RYR3: variants seen among roughly 807,000 people sequenced by gnomAD.
RYR3 encodes the protein brain ryanodine receptor-calcium release channel.
Under a neutral mutation model 584.3 loss-of-function variants are expected in RYR3, and 207 were observed. That is an observed-to-expected ratio of 0.35 (90% CI 0.32 to 0.40). The LOEUF (loss-of-function observed/expected upper bound fraction) is 0.40, where lower values mean the gene tolerates loss of function less well. Ranked by LOEUF, RYR3 falls within the 10% of genes least tolerant of loss-of-function variation. RYR3 has a pLI of 1.00. For synonymous variants in RYR3, 2,416 were observed against 2,248.5 expected (o/e 1.07, Z -2.11); for missense variants, 5,616 against 6,089.2 (o/e 0.92, Z 2.59).
chr15:33,658,892 G>C lies in RYR3; in HGVS notation c.4309-828G>C, dbSNP rs75633823. On this transcript the variant is annotated intron_variant, in intron 32 of 103. Coordinates refer to ENST00000634891, the MANE Select transcript of RYR3 (RefSeq NM_001036.6). ...AACTGGAATGCTGAAGAGTGCAAAG[G>C]GGGTGGAGAGGATGGAGAGGAGTCC... 1.9e-4 allele frequency among the ~76,000 whole-genome samples: 29 copies of C among 152,324 alleles called. No individual in the cohort carries two copies. The East Asian group carries it at 3.1e-3, about 16-fold the overall frequency.
chr15:33,850,779 A>G (rs1445695639), intron 94 of RYR3: 3 of 152,190 alleles, frequency 2.0e-5, no homozygotes, highest in African/African-American at 7.2e-5. Flanking sequence ...AGAGCTTAAA[A>G]ATCCCCTGTA....
Position 33,865,158 on chromosome 15 carries a change from G to GT in RYR3, c.14545_14546insT (p.Glu4849ValfsTer11). On this transcript the variant is annotated frameshift_variant, in exon 104 of 104. Coordinates refer to ENST00000634891, the MANE Select transcript of RYR3 (RefSeq NM_001036.6). LOFTEE classifies it high-confidence loss of function. ...ATCTTATGTCTGGAAGATGTACCAAGAAAGGTGTTGGGATTTCTTCCCAGC... is the reference window on the plus strand; with the variant it reads ...ATCTTATGTCTGGAAGATGTACCAAGTAAAGGTGTTGGGATTTCTTCCCAGC... The GT allele has an allele frequency of 6.2e-7, 1 of 1,613,718 alleles. No homozygotes were observed. Among genetic ancestry groups the GT allele is most frequent in the Non-Finnish European group, 8.5e-7 (1 of 1,179,746 alleles).
At chr15:33,397,296 A>C (rs929462492) in intron 1 of RYR3, among the ~76,000 whole-genome samples, 5 of 152,230 alleles carry the variant, frequency 3.3e-5, no homozygotes, top group African/African-American at 9.6e-5. Context: ...TTACAAAAGG[A>C]GCTATGAATA....
chr15:33,817,885 C>T (rs1293344662), intron 75 of RYR3, among the ~76,000 whole-genome samples: 1 of 152,202 alleles, frequency 6.6e-6, no homozygotes, highest in Non-Finnish European at 1.5e-5. Context: ...TACGGTCCAC[C>T]CTGCTGGCTC....
intron 86 of RYR3, among the ~76,000 whole-genome samples, chr15:33,834,322 ACAGTGAG>A: frequency 6.9e-6 from 1 of 144,798 alleles, no homozygotes; most frequent in African/African-American, 2.5e-5. Flanking sequence ...ACACACACAC[ACAGTGAG>A]ATTAACATGG....
chr15:33,648,399 A>G (rs2062232573), intron 30 of RYR3, among the ~76,000 whole-genome samples: 1 of 152,176 alleles, frequency 6.6e-6, no homozygotes, highest in South Asian at 2.1e-4. Flanking sequence ...TCATAAGGAA[A>G]ATGATGAGCT....
intron 1 of RYR3, among the ~76,000 whole-genome samples, chr15:33,365,609 C>T (rs935524135): frequency 6.6e-6 from 1 of 152,194 alleles, no homozygotes; most frequent in Non-Finnish European, 1.5e-5. Flanking sequence ...GTCATTTAAT[C>T]TACTATACAG....
At chr15:33,761,709 A>G (rs989230214) in intron 60 of RYR3, among the ~76,000 whole-genome samples, 5 of 152,236 alleles carry the variant, frequency 3.3e-5, no homozygotes, top group Admixed American at 3.3e-4. Context: ...TTCTGAAACT[A>G]TTCCAAACAA....
intron 5 of RYR3, among the ~76,000 whole-genome samples, chr15:33,538,927 C>G (rs773812330): frequency 3.3e-4 from 50 of 151,950 alleles, no homozygotes; most frequent in Non-Finnish European, 6.6e-4. Flanking sequence ...TCCCTTAGGA[C>G]AGGGGGAGAC....
intron 73 of RYR3, 38 bp from the exon 74 acceptor site, chr15:33,813,429 C>A (rs1220112816): frequency 3.9e-6 from 6 of 1,551,598 alleles, no homozygotes; most frequent in Non-Finnish European, 5.3e-6. Flanking sequence ...ACCAGAAGAT[C>A]AGCCTAATGT....
chr15:33,489,600 A>G (rs557465054), intron 2 of RYR3, among the ~76,000 whole-genome samples: 6 of 65,058 alleles, frequency 9.2e-5, no homozygotes, highest in African/African-American at 1.8e-4. Flanking sequence ...TCTTTATCCA[A>G]TCTGCCATGG....
intron 38 of RYR3, among the ~76,000 whole-genome samples, chr15:33,686,463 C>G (rs1161867036): frequency 1.3e-5 from 2 of 152,108 alleles, no homozygotes; most frequent in Non-Finnish European, 2.9e-5. Context: ...AAGTCCAGGA[C>G]CAGACGAATT....
intron 67 of RYR3, among the ~76,000 whole-genome samples, chr15:33,796,020 C>T (rs988878814): frequency 6.6e-6 from 1 of 152,158 alleles, no homozygotes; most frequent in Non-Finnish European, 1.5e-5. Context: ...CTAGGGGAGG[C>T]TTTGGAACAA....
chr15:33,314,593 A>G (rs1246353516), intron 1 of RYR3, among the ~76,000 whole-genome samples: 5 of 152,196 alleles, frequency 3.3e-5, no homozygotes, highest in Non-Finnish European at 7.3e-5. Context: ...CTCCTTGCCA[A>G]CTGCCTTTCC....
intron 43 of RYR3, 65 bp downstream of exon 43, chr15:33,707,119 A>T: frequency 6.4e-7 from 1 of 1,564,774 alleles, no homozygotes; most frequent in South Asian, 1.1e-5. Context: ...ACCTACAAGG[A>T]AAAGGATATC....
At chr15:33,620,158 G>A (rs1318689068) in intron 19 of RYR3, among the ~76,000 whole-genome samples, 1 of 152,106 alleles carries the variant, frequency 6.6e-6, no homozygotes, top group Non-Finnish European at 1.5e-5. Flanking sequence ...CTTCTAGGGA[G>A]CACAGTCCTT....
At chr15:33,774,730 C>T (rs1403631533) in intron 64 of RYR3, among the ~76,000 whole-genome samples, 2 of 152,148 alleles carry the variant, frequency 1.3e-5, no homozygotes, top group African/African-American at 4.8e-5. Flanking sequence ...AGTTGTCAGG[C>T]TTTCCTTACT....
intron 98 of RYR3, among the ~76,000 whole-genome samples, chr15:33,857,256 GCAC>G (rs375469840): frequency 0.98 from 149,247 of 152,000 alleles, 73,333 homozygotes; most frequent in Middle Eastern, 1. Context: ...GGCAGCACCA[GCAC>G]CTGGTCTCCT....
intron 12 of RYR3, among the ~76,000 whole-genome samples, chr15:33,573,797 G>T (rs1366285757): frequency 6.6e-6 from 1 of 152,154 alleles, no homozygotes; most frequent in East Asian, 1.9e-4. Context: ...TATACATTGG[G>T]CTTTACTCTC....
Sources: gnomAD v4.1 joint callset for allele counts (sites outside exome capture counted in the v4.1 genomes callset) on GRCh38, gnomAD v4.1.1 for gene constraint, MANE v1.5 for transcripts, NCBI Gene and HGNC (gene_info 2026-07-23, HGNC 2026-07-21) for gene names.